The following XRRA1 variants were observed in gnomAD, a reference collection of about 807,000 sequenced individuals.
XRRA1 encodes the protein X-ray radiation resistance associated 1, also known as X-ray radiation resistance-associated protein 1.
A neutral mutation model predicts 80.2 loss-of-function variants in XRRA1; 69 were observed. The observed-to-expected ratio is 0.86, with a 90% CI of 0.71 to 1.05. XRRA1 has a LOEUF of 1.05. Among genes scored for constraint, XRRA1 ranks in the 50% least tolerant of loss-of-function variants. The pLI is 0.00. For missense variants in XRRA1, 967 were observed against 976.4 expected, an observed-to-expected ratio of 0.99 and a Z score of 0.13; for synonymous variants, 348 against 389.9, an observed-to-expected ratio of 0.89 and a Z score of 1.27.
chr11:74,942,681 G>A (rs1180983900), intron 2 of XRRA1, among the ~76,000 whole-genome samples: 2 of 152,212 alleles, frequency 1.3e-5, no homozygotes, highest in East Asian at 3.8e-4. Context: ...GTGTGGCCTT[G>A]AGCAAGTTAC....
chr11:74,849,587 C>T (rs1216753021), intron 14 of XRRA1, among the ~76,000 whole-genome samples: 1 of 152,094 alleles, frequency 6.6e-6, no homozygotes, highest in African/African-American at 2.4e-5. Context: ...GGACAGTTCC[C>T]CTTCCCTCTC....
intron 6 of XRRA1, 104 bp from the exon 7 acceptor site, chr11:74,927,592 C>G: frequency 1.3e-6 from 1 of 752,160 alleles, no homozygotes; most frequent in East Asian, 2.6e-5. Context: ...AGGCCAGGCA[C>G]TGTATAAGGT....
At chr11:74,903,499 C>T (rs552587661) in intron 10 of XRRA1, among the ~76,000 whole-genome samples, 42 of 152,224 alleles carry the variant, frequency 2.8e-4, no homozygotes, top group African/African-American at 9.1e-4. Flanking sequence ...GTCAGGAGAT[C>T]GAGACCATCC....
At chr11:74,943,588 A>C (rs1326414979) in intron 2 of XRRA1, among the ~76,000 whole-genome samples, 1 of 139,202 alleles carries the variant, frequency 7.2e-6, no homozygotes, top group Non-Finnish European at 1.6e-5. Flanking sequence ...AGAGAGAGAG[A>C]GTGCACCTGC....
chr11:74,880,132 A>T (rs2047153042), intron 10 of XRRA1, among the ~76,000 whole-genome samples: 1 of 152,010 alleles, frequency 6.6e-6, no homozygotes. Flanking sequence ...GATTATTGCC[A>T]CAATTTCAGC....
At chr11:74,844,845 A>T (rs183287131) in intron 16 of XRRA1, among the ~76,000 whole-genome samples, 25 of 152,366 alleles carry the variant, frequency 1.6e-4, no homozygotes, top group Admixed American at 1.0e-3. Flanking sequence ...CTCTGAATAA[A>T]CTGTGGCTCC....
chr11:74,853,917 G>A (rs1282437), intron 12 of XRRA1, among the ~76,000 whole-genome samples: 38 of 152,030 alleles, frequency 2.5e-4, no homozygotes, highest in Non-Finnish European at 4.4e-5. Context: ...GGGTCCTTGG[G>A]GAACTCATTA....
rs773954637 is a variant in XRRA1, at chr11:74,852,088, A to G, written c.1171-6T>C. 6.2e-7 allele frequency: 1 copy of G among 1,612,556 alleles called. No homozygotes were observed. The highest frequency in any genetic ancestry group is 1.1e-5 in the South Asian group (1 of 91,060). ...ACAGCATCCTCTTTTGCGATCTGTAATGAATGCAGGAGAGACTCTCAGGTT... is the reference window on the plus strand; with the variant it reads ...ACAGCATCCTCTTTTGCGATCTGTAGTGAATGCAGGAGAGACTCTCAGGTT... On this transcript the variant is annotated splice_region_variant and splice_polypyrimidine_tract_variant and intron_variant, in intron 12 of 18. Coordinates refer to ENST00000684022, the MANE Select transcript of XRRA1 (RefSeq NM_001378157.1).
chr11:74,948,052 C>G (rs1011916062), intron 1 of XRRA1, among the ~76,000 whole-genome samples: 1 of 152,188 alleles, frequency 6.6e-6, no homozygotes, highest in African/African-American at 2.4e-5. Flanking sequence ...TTCCCCAAGA[C>G]AAGTTTTTGT....
chr11:74,902,910 A>C (rs927704986), intron 10 of XRRA1, among the ~76,000 whole-genome samples: 3 of 152,222 alleles, frequency 2.0e-5, no homozygotes, highest in African/African-American at 7.2e-5. Flanking sequence ...ATTTAAAAAT[A>C]ACTAAAAGAG....
intron 1 of XRRA1, among the ~76,000 whole-genome samples, chr11:74,947,718 A>G (rs144898902): frequency 1.4e-3 from 216 of 152,220 alleles, no homozygotes; most frequent in South Asian, 4.1e-3. Flanking sequence ...TGTTATTGCT[A>G]TTTAGTGATA....
rs757814270 is a variant in XRRA1, at chr11:74,907,241, C to G, written c.689G>C (p.Arg230Thr). ...EASVTSLTSK[R>T]YILRFPALET... ...CAGCGCTGGGAACCTCAGGATGTAC[C>G]TCTTGCTTGTCAGCGATGTTACAGA... Residue 230 changes from arginine to threonine, a missense_variant, in exon 9 of 19, where the codon AGG becomes ACG. By Grantham distance (71) the Arg-to-Thr change is moderately conservative (BLOSUM62 -1). Coordinates refer to ENST00000684022, the MANE Select transcript of XRRA1 (RefSeq NM_001378157.1). The G allele has an allele frequency of 8.7e-6, 14 of 1,613,834 alleles. No individual in the cohort carries two copies. The African/African-American group carries it at 1.7e-4, about 20-fold the overall frequency.
chr11:74,864,793 C>A (rs185762799), intron 10 of XRRA1, among the ~76,000 whole-genome samples: 118 of 152,344 alleles, frequency 7.7e-4, no homozygotes, highest in Middle Eastern at 6.8e-3. Flanking sequence ...GCCTCTTGCA[C>A]AAGGACCCAG....
intron 10 of XRRA1, among the ~76,000 whole-genome samples, chr11:74,894,595 C>G (rs1230654212): frequency 1.3e-5 from 2 of 152,136 alleles, no homozygotes; most frequent in Non-Finnish European, 2.9e-5. Flanking sequence ...ACTTGCCAAA[C>G]ACTTAACATA....
chr11:74,934,659 GT>G (rs1944488050), intron 4 of XRRA1, among the ~76,000 whole-genome samples: 1 of 152,102 alleles, frequency 6.6e-6, no homozygotes, highest in Admixed American at 6.5e-5. Flanking sequence ...GGATTATGAA[GT>G]CTACCAAGGC....
intron 10 of XRRA1, among the ~76,000 whole-genome samples, chr11:74,883,890 C>T (rs1016829772): frequency 7.9e-5 from 12 of 152,288 alleles, no homozygotes; most frequent in East Asian, 5.8e-4. Context: ...TTTAACAAAA[C>T]GCAGTACAAG....
intron 10 of XRRA1, 25 bp from the exon 11 acceptor site, chr11:74,863,046 A>C: frequency 5.6e-6 from 9 of 1,593,628 alleles, no homozygotes; most frequent in Non-Finnish European, 7.7e-6. Flanking sequence ...AAACAGAATG[A>C]AGGTTGGTGA....
At chr11:74,933,137 T>C (rs941984165) in intron 5 of XRRA1, 24 of 152,232 alleles carry the variant, frequency 1.6e-4, no homozygotes, top group African/African-American at 5.5e-4. Context: ...ATTGCTGGCA[T>C]TGAAACTTAA....
chr11:74,896,475 T>A (rs1565353139), intron 10 of XRRA1, among the ~76,000 whole-genome samples: 1 of 152,222 alleles, frequency 6.6e-6, no homozygotes, highest in African/African-American at 2.4e-5. Context: ...GACTTTGTAC[T>A]ATGGTTTGAG....
Sources: gnomAD v4.1 joint callset for allele counts (sites outside exome capture counted in the v4.1 genomes callset) on GRCh38, gnomAD v4.1.1 for gene constraint, MANE v1.5 for transcripts, NCBI Gene and HGNC (gene_info 2026-07-23, HGNC 2026-07-21) for gene names.